Variants in C9orf50 observed in about 807,000 individuals in gnomAD.
C9orf50 encodes the protein uncharacterized protein C9orf50.
In C9orf50, 33 loss-of-function variants were observed where a neutral mutation model predicts 42.5. The ratio of observed to expected loss-of-function variants is 0.78; its 90% CI spans 0.59 to 1.04. The LOEUF (loss-of-function observed/expected upper bound fraction) is 1.04, where lower values mean the gene tolerates loss of function less well. C9orf50 is among the 50% of genes least tolerant of loss of function. C9orf50 has a pLI of 0.00. For missense variants in C9orf50, 547 were observed against 594.3 expected, an observed-to-expected ratio of 0.92 and a Z score of 0.83; for synonymous variants, 257 against 273.4, an observed-to-expected ratio of 0.94 and a Z score of 0.59.
rs555276434 is a variant in C9orf50 at position 129,613,727 on chromosome 9, C to T, written c.881-130G>A. Reference sequence around the variant, plus strand: ...TCCATGGCAACCCCAGGCTCCCCAGCGCCTTCTGGCTGCCTCCAGAGAAGC... The same window carrying T: ...TCCATGGCAACCCCAGGCTCCCCAGTGCCTTCTGGCTGCCTCCAGAGAAGC... On this transcript the variant is annotated intron_variant, in intron 4 of 6. Transcript: ENST00000372478. The surrounding 1 kb of genome is among the most constrained non-coding windows in gnomAD (Gnocchi z 6.2). 2.1e-5 allele frequency: 24 copies of T among 1,156,184 alleles called. No individual in the cohort carries two copies. The highest frequency in any genetic ancestry group is 2.7e-5 in the Non-Finnish European group (22 of 822,772). The allele number at this position is 1,156,184 out of a possible 1,614,324, so 71.6% of individuals were successfully genotyped here. A position where few individuals can be genotyped will look rare whatever the true frequency, so the allele number is the denominator to read the frequency against.
At position 129,613,340 on chromosome 9, in the gene C9orf50, A is replaced by C; in HGVS notation, c.1044-89T>G. The C allele has an allele frequency of 6.4e-7, 1 of 1,567,282 alleles. No homozygotes were observed. ...AGGGCCCTTGAGGACCCACACTGGC[A>C]ACCCGCCTGCTGCTGGGTGGGGAGG... On this transcript the variant is annotated intron_variant, in intron 5 of 6. Transcript: ENST00000372478. This position sits in a 1 kb window ranked among gnomAD's most constrained non-coding sequence, Gnocchi z 6.2.
upstream of C9orf50, among the ~76,000 whole-genome samples, chr9:129,621,343 CTTG>C (rs1356481201): frequency 2.6e-5 from 4 of 152,210 alleles, no homozygotes; most frequent in South Asian, 2.1e-4. Context: ...GTTTGTTGTT[CTTG>C]TTGTTGTTGT....
Position 129,620,377 on chromosome 9 carries a change from G to A in C9orf50, c.198C>T (p.Asp66=), listed in dbSNP as rs368756086. 3.0e-3 allele frequency: 3,651 copies of A among 1,229,114 alleles called. 8 individuals carry two copies. Among genetic ancestry groups the A allele is most frequent in the East Asian group, 9.6e-3 (299 of 31,170 alleles). 76.1% of individuals were successfully genotyped at this position (1,229,114 alleles called of 1,614,324 possible). Residue 66 remains aspartate, a synonymous_variant, in exon 1 of 7, where the codon GAC becomes GAT. Transcript: ENST00000372478. This position sits in a 1 kb window ranked among gnomAD's most constrained non-coding sequence, Gnocchi z 5.8. The stretch of plus-strand genomic sequence containing the variant: ...GTCCGACGCCCACCCCGGGCTTGGC[G>A]TCCCCTTCCGGCCACCACGCGGCGC...
At chr9:129,616,361 G>A (rs937334734) in intron 3 of C9orf50, among the ~76,000 whole-genome samples, 21 of 152,038 alleles carry the variant, frequency 1.4e-4, no homozygotes, top group Non-Finnish European at 1.5e-4. Flanking sequence ...GACTACAGGC[G>A]TGTGCCACCA....
In C9orf50 at chr9:129,613,776, G is replaced by A. The variant is rs921622561; in HGVS notation, c.881-179C>T. 2.0e-5 allele frequency among the ~76,000 whole-genome samples: 3 copies of A among 152,198 alleles called. No homozygotes were observed. Among genetic ancestry groups the A allele is most frequent in the Admixed American group, 6.5e-5 (1 of 15,284 alleles). On this transcript the variant is annotated intron_variant, in intron 4 of 6. Coordinates refer to ENST00000372478, the Ensembl canonical transcript of C9orf50. The surrounding 1 kb of genome is among the most constrained non-coding windows in gnomAD (Gnocchi z 6.2). Reference sequence around the variant, plus strand: ...GCCTTGGGTTTTAAAACCACCTTGCGTGACCATTTCTGTTATACCCAAGCT... The same window carrying A: ...GCCTTGGGTTTTAAAACCACCTTGCATGACCATTTCTGTTATACCCAAGCT...
Position 129,614,909 on chromosome 9 carries a change from A to G in C9orf50, c.880+575T>C, listed in dbSNP as rs1446826747. On this transcript the variant is annotated intron_variant, in intron 4 of 6. Coordinates refer to ENST00000372478, the Ensembl canonical transcript of C9orf50. This position sits in a 1 kb window ranked among gnomAD's most constrained non-coding sequence, Gnocchi z 4.4. Reference sequence around the variant, plus strand: ...AGAGTGAGACTCCGTATCAGAAAAAAAAAAAGAAAAAGAAAACTCACTGGG... The same window carrying G: ...AGAGTGAGACTCCGTATCAGAAAAAGAAAAAGAAAAAGAAAACTCACTGGG... Among the ~76,000 whole-genome samples, 3 of 152,086 alleles carry G rather than the reference A, an allele frequency of 2.0e-5. No homozygotes were observed. The highest frequency in any genetic ancestry group is 2.9e-5 in the Non-Finnish European group (2 of 68,008).
rs147397763 is a variant in C9orf50 at position 129,615,772 on chromosome 9, C to T, written c.717-125G>A. 2,181 of 1,082,906 alleles carry T rather than the reference C, an allele frequency of 2.0e-3. 5 individuals are homozygous for T. The highest frequency in any genetic ancestry group is 6.1e-3 in the Admixed American group (164 of 27,052). The allele number at this position is 1,082,906 out of a possible 1,614,324, so 67.1% of individuals were successfully genotyped here. On this transcript the variant is annotated intron_variant, in intron 3 of 6. Coordinates refer to ENST00000372478, the Ensembl canonical transcript of C9orf50. Reference sequence around the variant, plus strand: ...TACACTGGTCTTGAAGAATGGATAACGCCAATCACAGCAGCCGGCCTTAAC... The same window carrying T: ...TACACTGGTCTTGAAGAATGGATAATGCCAATCACAGCAGCCGGCCTTAAC...
chr9:129,620,830 AG>A (rs1471864976), upstream of C9orf50: 3 of 372,210 alleles, frequency 8.1e-6, no homozygotes, highest in African/African-American at 6.3e-5. This position sits in a 1 kb window ranked among gnomAD's most constrained non-coding sequence, Gnocchi z 5.8. Flanking sequence ...TAAATGAGCA[AG>A]TACATGCCAG....
rs948506626 is a variant in C9orf50, at chr9:129,614,124, T to A, written c.881-527A>T. Among the ~76,000 whole-genome samples the A allele has an allele frequency of 3.3e-5, 5 of 152,170 alleles. No homozygotes were observed. Among genetic ancestry groups the A allele is most frequent in the Non-Finnish European group, 7.4e-5 (5 of 68,026 alleles). ...GGCCAGTGGCTGACACGGAATCATC[T>A]CCTGTATGCACCAACTGCCATTCAC... On this transcript the variant is annotated intron_variant, in intron 4 of 6. Transcript: ENST00000372478. This position sits in a 1 kb window ranked among gnomAD's most constrained non-coding sequence, Gnocchi z 4.4.
Position 129,620,386 on chromosome 9 carries a change from C to T in C9orf50, c.189G>A (p.Pro63=), listed in dbSNP as rs1360297730. 2 of 1,231,816 alleles carry T rather than the reference C, an allele frequency of 1.6e-6. No individual in the cohort carries two copies. The highest frequency in any genetic ancestry group is 2.0e-6 in the Non-Finnish European group (2 of 987,960). 76.3% of individuals were successfully genotyped at this position (1,231,816 alleles called of 1,614,324 possible). A position where few individuals can be genotyped will look rare whatever the true frequency, so the allele number is the denominator to read the frequency against. ...CCACCCCGGGCTTGGCGTCCCCTTCCGGCCACCACGCGGCGCCGCCCCCCG... is the reference window on the plus strand; with the variant it reads ...CCACCCCGGGCTTGGCGTCCCCTTCTGGCCACCACGCGGCGCCGCCCCCCG... The change falls in exon 1 of 7, where the codon CCG becomes CCA. Residue 63 remains proline (P), a synonymous_variant. Coordinates refer to ENST00000372478, the Ensembl canonical transcript of C9orf50. This position sits in a 1 kb window ranked among gnomAD's most constrained non-coding sequence, Gnocchi z 5.8.
Position 129,620,482 on chromosome 9 carries a change from C to G in C9orf50, c.93G>C (p.Arg31=), listed in dbSNP as rs995004659. 1 of 1,387,776 alleles carries G rather than the reference C, an allele frequency of 7.2e-7. No individual in the cohort carries two copies. Among genetic ancestry groups the G allele is most frequent in the African/African-American group, 1.5e-5 (1 of 67,236 alleles). The allele number at this position is 1,387,776 out of a possible 1,614,324, so 86.0% of individuals were successfully genotyped here. ...GCGCGGGCGGGGTCAGCTTGGGCAG[C>G]CGCGGGTCGCTGCTGCGTCGGAAGT... Residue 31 remains arginine, a synonymous_variant, in exon 1 of 7, where the codon CGG becomes CGC. Coordinates refer to ENST00000372478, the Ensembl canonical transcript of C9orf50. The surrounding 1 kb of genome is among the most constrained non-coding windows in gnomAD (Gnocchi z 5.8).
Position 129,614,896 on chromosome 9 carries a change from C to T in C9orf50, c.880+588G>A, listed in dbSNP as rs1013712734. ...CAGCCTGGGCGACAGAGTGAGACTC[C>T]GTATCAGAAAAAAAAAAAGAAAAAG... On this transcript the variant is annotated intron_variant, in intron 4 of 6. Coordinates refer to ENST00000372478, the Ensembl canonical transcript of C9orf50. This position sits in a 1 kb window ranked among gnomAD's most constrained non-coding sequence, Gnocchi z 4.4. Among the ~76,000 whole-genome samples the T allele has an allele frequency of 3.3e-5, 5 of 150,854 alleles. No homozygotes were observed. Among genetic ancestry groups the T allele is most frequent in the Non-Finnish European group, 5.9e-5 (4 of 67,868 alleles).
exon 7 of C9orf50, chr9:129,612,379 C>A: frequency 6.2e-7 from 1 of 1,613,638 alleles, no homozygotes; most frequent in Non-Finnish European, 8.5e-7. Flanking sequence ...GTTGCGGAGG[C>A]CAGGAGGAGA....
chr9:129,619,520 T>C (rs149618149), exon 3 of C9orf50: 2 of 1,610,258 alleles, frequency 1.2e-6, no homozygotes, highest in Non-Finnish European at 1.7e-6. Context: ...CATCACTCAC[T>C]GGTTGGCCTT....
At chr9:129,615,978 C>T (rs1291795242) in intron 3 of C9orf50, among the ~76,000 whole-genome samples, 4 of 152,206 alleles carry the variant, frequency 2.6e-5, no homozygotes, top group African/African-American at 7.2e-5. Flanking sequence ...ATCCTGGTTC[C>T]AGAGCTGGCG....
At chr9:129,612,441 G>A (rs1321166008) in exon 7 of C9orf50, 1 of 1,612,256 alleles carries the variant, frequency 6.2e-7, no homozygotes, top group Non-Finnish European at 8.5e-7. Context: ...CACCCGGTTG[G>A]GCAGGAGGGA....
chr9:129,620,468 G>A lies in C9orf50; in HGVS notation c.107C>T (p.Thr36Ile). Reference sequence around the variant, plus strand: ...CAGAGCCGCTCGGAGCGCGGGCGGGGTCAGCTTGGGCAGCCGCGGGTCGCT... The same window carrying A: ...CAGAGCCGCTCGGAGCGCGGGCGGGATCAGCTTGGGCAGCCGCGGGTCGCT... Residue 36 changes from threonine to isoleucine, a missense_variant, in exon 1 of 7, where the codon ACC (threonine) becomes ATC (isoleucine). Thr to Ile is a moderately conservative substitution (Grantham distance 89, BLOSUM62 -1). Around this residue, in one of 3 missense-constraint regions of C9orf50, gnomAD observed 105 missense variants for 98.5 expected, o/e 1.07. Coordinates refer to ENST00000372478, the Ensembl canonical transcript of C9orf50. The surrounding 1 kb of genome is among the most constrained non-coding windows in gnomAD (Gnocchi z 5.8). 1 of 1,353,038 alleles carries A rather than the reference G, an allele frequency of 7.4e-7. No individual in the cohort carries two copies. The highest frequency in any genetic ancestry group is 9.5e-7 in the Non-Finnish European group (1 of 1,049,006). The allele number at this position is 1,353,038 out of a possible 1,614,324, so 83.8% of individuals were successfully genotyped here.
exon 7 of C9orf50, chr9:129,612,377 G>A (rs1171815020): frequency 7.4e-6 from 12 of 1,613,688 alleles, no homozygotes; most frequent in Non-Finnish European, 1.0e-5. Context: ...GTGTTGCGGA[G>A]GCCAGGAGGA....
intron 6 of C9orf50, 83 bp from the exon 7 acceptor site, chr9:129,612,537 G>T: frequency 1.9e-6 from 2 of 1,047,206 alleles, no homozygotes; most frequent in Non-Finnish European, 2.9e-6. Flanking sequence ...CTGTGCTGAA[G>T]CCCTGTTGGG....
Sources: allele counts gnomAD v4.1 joint callset (sites outside exome capture counted in the v4.1 genomes callset), GRCh38; gene constraint gnomAD v4.1.1; regional missense constraint gnomAD v4.1.1; non-coding constraint Gnocchi (gnomAD v3.1); transcripts MANE v1.5; gene names NCBI Gene and HGNC (gene_info 2026-07-23, HGNC 2026-07-21).